GPD2: variants seen among roughly 807,000 people sequenced by gnomAD.
GPD2 encodes glycerol-3-phosphate dehydrogenase 2.
In GPD2, 54 loss-of-function variants were observed where a neutral mutation model predicts 82.4. The observed-to-expected ratio is 0.66, with a 90% CI of 0.53 to 0.82. GPD2 has a LOEUF of 0.82. GPD2 is among the 40% of genes least tolerant of loss of function. GPD2 has a pLI of 0.00. For synonymous variants in GPD2, 288 were observed against 306.1 expected, an observed-to-expected ratio of 0.94 and a Z score of 0.62; for missense variants, 748 against 896.2, an observed-to-expected ratio of 0.83 and a Z score of 2.11.
rs2105377792 is a variant in GPD2, at chr2:156,578,988, T to C, written c.1867T>C (p.Ser623Pro). 6.2e-7 allele frequency: 1 copy of C among 1,600,948 alleles called. No individual in the cohort carries two copies. Among genetic ancestry groups the C allele is most frequent in the Non-Finnish European group, 8.6e-7 (1 of 1,168,168 alleles). The stretch of plus-strand genomic sequence containing the variant: ...TCGCTCTGAAATTAGCCTACTGCCT[T>C]CAGACATTGACAGGTACTTATAATA... The part of the protein sequence containing the change: ...TDRSEISLLP[S>P]DIDRYKKRFH... Residue 623 changes from serine (S) to proline (P), a missense_variant, in exon 14 of 17, where the codon TCA becomes CCA. Physicochemically the swap from Ser to Pro is moderately conservative, Grantham distance 74. Coordinates refer to ENST00000438166, the MANE Select transcript of GPD2 (RefSeq NM_000408.5).
chr2:156,576,704 G>T (rs1687834356), intron 13 of GPD2, among the ~76,000 whole-genome samples: 1 of 152,186 alleles, frequency 6.6e-6, no homozygotes, highest in Non-Finnish European at 1.5e-5. Context: ...AGTACATTGA[G>T]TACCGTTTAT....
chr2:156,579,298 G>T, intron 15 of GPD2, 134 bp downstream of exon 15: 5 of 611,664 alleles, frequency 8.2e-6, no homozygotes, highest in South Asian at 6.1e-5. Context: ...ATTAGTGAAA[G>T]CATATTTATA....
chr2:156,411,600 T>C, the GPD2 span, among the ~76,000 whole-genome samples: 1 of 152,180 alleles, frequency 6.6e-6, no homozygotes. Flanking sequence ...GTAATCTGTA[T>C]ATACAGAATC....
At chr2:156,509,765 C>CTATTT (rs1684919050) in intron 3 of GPD2, among the ~76,000 whole-genome samples, 1 of 117,382 alleles carries the variant, frequency 8.5e-6, no homozygotes, top group African/African-American at 3.3e-5. Flanking sequence ...ATATGTTCTT[C>CTATTT]TTTTTTTTTT....
chr2:156,572,179 G>A (rs1406763533), intron 13 of GPD2, among the ~76,000 whole-genome samples: 1 of 151,946 alleles, frequency 6.6e-6, no homozygotes, highest in Non-Finnish European at 1.5e-5. Context: ...TACTCCTATA[G>A]ACTTTTCCAT....
At chr2:156,471,741 CT>C (rs895025092) in intron 1 of GPD2, among the ~76,000 whole-genome samples, 5 of 151,660 alleles carry the variant, frequency 3.3e-5, no homozygotes, top group African/African-American at 4.8e-5. Flanking sequence ...TAGCACCTTG[CT>C]TTTTTTTTCT....
At chr2:156,477,693 G>C (rs1199801816) in intron 2 of GPD2, among the ~76,000 whole-genome samples, 1 of 152,054 alleles carries the variant, frequency 6.6e-6, no homozygotes, top group Non-Finnish European at 1.5e-5. Flanking sequence ...CATATTGATT[G>C]GGTTCATAGT....
chr2:156,542,626 A>G (rs1463261721), intron 6 of GPD2, among the ~76,000 whole-genome samples: 2 of 152,162 alleles, frequency 1.3e-5, no homozygotes, highest in Admixed American at 1.3e-4. Context: ...CACTTAACAC[A>G]TTGAGGTTGT....
At chr2:156,546,618 G>A (rs3754770) in intron 6 of GPD2, among the ~76,000 whole-genome samples, 41,308 of 151,844 alleles carry the variant, frequency 0.27, 6,087 homozygotes, top group East Asian at 0.58. Context: ...GAGGCCCAGG[G>A]CTCGGGGATA....
At chr2:156,455,758 TG>T (rs201279527) in intron 1 of GPD2, among the ~76,000 whole-genome samples, 1 of 24,088 alleles carries the variant, frequency 4.2e-5, no homozygotes, top group Non-Finnish European at 5.6e-4. Flanking sequence ...TTATCATTTT[TG>T]TTTGTGTTAG....
rs1278761507 is a variant in GPD2 at position 156,578,955 on chromosome 2, T to C, written c.1834T>C (p.Leu612=). ...EMGYKSRSEQ[L]TDRSEISLLP... ...GGGCTATAAATCTCGATCAGAACAG[T>C]TAACAGATCGCTCTGAAATTAGCCT... Residue 612 remains leucine (L), a synonymous_variant, in exon 14 of 17, where the codon TTA becomes CTA. Transcript: ENST00000438166. 2.5e-6 allele frequency: 4 copies of C among 1,612,078 alleles called. No individual in the cohort carries two copies. The highest frequency in any genetic ancestry group is 1.7e-4 in the Middle Eastern group (1 of 6,028).
At chr2:156,554,120 C>T (rs1367874935) in intron 8 of GPD2, among the ~76,000 whole-genome samples, 2 of 152,190 alleles carry the variant, frequency 1.3e-5, no homozygotes, top group Admixed American at 6.5e-5. Context: ...TCAGGACTGA[C>T]CTTGAGGCAA....
intron 9 of GPD2, among the ~76,000 whole-genome samples, chr2:156,559,105 C>T (rs1018115672): frequency 2.0e-5 from 3 of 152,050 alleles, no homozygotes; most frequent in African/African-American, 7.2e-5. Context: ...TTCCCCAACT[C>T]TTCATCTTGG....
intron 10 of GPD2, 25 bp downstream of exon 10, chr2:156,568,984 T>C (rs1687499187): frequency 2.0e-6 from 3 of 1,529,580 alleles, no homozygotes; most frequent in Non-Finnish European, 2.6e-6. Flanking sequence ...CTTGTTATTT[T>C]CTTTTCTTTT....
intron 2 of GPD2, among the ~76,000 whole-genome samples, chr2:156,493,926 ATGTGTGTGTG>A (rs542950582): frequency 1.3e-4 from 18 of 136,218 alleles, no homozygotes; most frequent in African/African-American, 3.8e-4. Context: ...ATATATATGT[ATGTGTGTGTG>A]TGTGTGTGTG....
At chr2:156,557,819 G>T (rs959364229) in intron 9 of GPD2, among the ~76,000 whole-genome samples, 1 of 152,118 alleles carries the variant, frequency 6.6e-6, no homozygotes, top group African/African-American at 2.4e-5. Flanking sequence ...ATTCCTAATG[G>T]CAAGATCAGA....
intron 6 of GPD2, among the ~76,000 whole-genome samples, chr2:156,533,861 CA>C (rs1685958563): frequency 6.6e-6 from 1 of 152,222 alleles, no homozygotes; most frequent in Non-Finnish European, 1.5e-5. Flanking sequence ...CTGCAGGAGC[CA>C]GGGTGAGCGC....
At position 156,455,368 on chromosome 2, in the gene GPD2, G is replaced by A. The variant is rs1682755337; in HGVS notation, c.-9+18855G>A. The stretch of plus-strand genomic sequence containing the variant: ...GAATGTAACATATATAAATTGACTA[G>A]CACAGTCCTTATAACACAGTATGTA... On this transcript the variant is annotated intron_variant, in intron 1 of 16. Transcript: ENST00000438166. Among the ~76,000 whole-genome samples the A allele has an allele frequency of 2.0e-5, 3 of 152,184 alleles. 1 individual carries two copies. In the South Asian group the frequency reaches 6.2e-4, roughly 31 times the overall value.
At chr2:156,569,299 A>C in intron 10 of GPD2, 64 bp from the exon 11 acceptor site, 1 of 1,095,486 alleles carries the variant, frequency 9.1e-7, no homozygotes, top group South Asian at 1.3e-5. Context: ...AAGTTGATAA[A>C]TGGTTAATTA....
Sources: gnomAD v4.1 joint callset for allele counts (sites outside exome capture counted in the v4.1 genomes callset) on GRCh38, gnomAD v4.1.1 for gene constraint, MANE v1.5 for transcripts, NCBI Gene and HGNC (gene_info 2026-07-23, HGNC 2026-07-21) for gene names.